The following ACYP1 variants were observed in gnomAD, a reference collection of about 807,000 sequenced individuals.
ACYP1 encodes acylphosphatase 1, also known as acylphosphatase-1.
In ACYP1, 8 loss-of-function variants were observed where a neutral mutation model predicts 10.4. The ratio of observed to expected loss-of-function variants is 0.77; its 90% CI spans 0.45 to 1.38. The LOEUF (loss-of-function observed/expected upper bound fraction) is 1.38, where lower values mean the gene tolerates loss of function less well. ACYP1 is among the 40% of genes most tolerant of loss of function. ACYP1 has a pLI of 0.00. For missense variants in ACYP1, 93 were observed against 117.3 expected (o/e 0.79, Z 0.96); for synonymous variants, 38 against 40.8 (o/e 0.93, Z 0.26).
upstream of ACYP1, among the ~76,000 whole-genome samples, chr14:75,067,458 T>C (rs1383973833): frequency 6.6e-6 from 1 of 152,154 alleles, no homozygotes; most frequent in East Asian, 1.9e-4. Context: ...GCTTTGTAGT[T>C]AAATAAAGTG....
At chr14:75,054,252 AT>A (rs1892821656) in intron 2 of ACYP1, among the ~76,000 whole-genome samples, 3 of 146,040 alleles carry the variant, frequency 2.1e-5, no homozygotes, top group Admixed American at 2.0e-4. Context: ...AGCCCACTTT[AT>A]TATCTTCCTA....
At chr14:75,065,975 G>C (rs910260391), upstream of ACYP1, among the ~76,000 whole-genome samples, 2 of 152,224 alleles carry the variant, frequency 1.3e-5, no homozygotes, top group African/African-American at 2.4e-5. Flanking sequence ...GTAGCCAGTT[G>C]TGGCTAGACC....
Position 75,063,532 on chromosome 14 carries a change from T to C in ACYP1, c.22A>G (p.Ile8Val). Residue 8 changes from isoleucine (I) to valine (V), a missense_variant, in exon 2 of 3, where the codon ATA becomes GTA. Ile to Val is a conservative substitution (Grantham distance 29, BLOSUM62 3). Transcript: ENST00000238618. Reference protein sequence around the residue: MAEGNTLISVDYEIFGKV... With the variant: MAEGNTLVSVDYEIFGKV... ...CCAAAAATTTCATAATCCACTGATATCAGGGTGTTTCCTTCTGCCATGCTC... is the reference window on the plus strand; with the variant it reads ...CCAAAAATTTCATAATCCACTGATACCAGGGTGTTTCCTTCTGCCATGCTC... 1 of 1,613,738 alleles carries C rather than the reference T, an allele frequency of 6.2e-7. No homozygotes were observed. Among genetic ancestry groups the C allele is most frequent in the Non-Finnish European group, 8.5e-7 (1 of 1,179,840 alleles).
intron 2 of ACYP1, among the ~76,000 whole-genome samples, chr14:75,060,812 T>C (rs193038610): frequency 1.8e-3 from 276 of 152,280 alleles, no homozygotes; most frequent in African/African-American, 6.5e-3. Flanking sequence ...ATGCGTGTAA[T>C]CCCAGCACTT....
intron 2 of ACYP1, among the ~76,000 whole-genome samples, chr14:75,054,976 G>T (rs1892838580): frequency 6.6e-6 from 1 of 150,606 alleles, no homozygotes; most frequent in Non-Finnish European, 1.5e-5. Context: ...GTTCTTAAGA[G>T]TTATCTTATA....
upstream of ACYP1, among the ~76,000 whole-genome samples, chr14:75,068,835 T>C (rs919612507): frequency 6.6e-6 from 1 of 152,160 alleles, no homozygotes; most frequent in Non-Finnish European, 1.5e-5. Context: ...ATTTTCCATG[T>C]GCATGAATTG....
Position 75,069,267 on chromosome 14 carries a change from C to T in ACYP1, c.25G>A (p.Gly9Arg), listed in dbSNP as rs542959783. The T allele has an allele frequency of 4.8e-6, 7 of 1,464,340 alleles. No homozygotes were observed. In the South Asian group the frequency reaches 9.3e-5, roughly 19 times the overall value. The allele number at this position is 1,464,340 out of a possible 1,614,324, so 90.7% of individuals were successfully genotyped here. ...AGAAAGGCCAGCAGCAGCCCCGCTC[C>T]CGCCAGGCGGGCGGACGCCGGCATC... Residue 9 changes from glycine (G) to arginine (R), a missense_variant, in exon 1 of 3, where the codon GGA (glycine) becomes AGA (arginine). Gly to Arg is a moderately radical substitution (Grantham distance 125, BLOSUM62 -2). Coordinates refer to the ACYP1 transcript ENST00000555463.
chr14:75,065,439 G>C (rs1180380485), upstream of ACYP1, among the ~76,000 whole-genome samples: 2 of 152,312 alleles, frequency 1.3e-5, no homozygotes, highest in African/African-American at 2.4e-5. Context: ...AAGCTGGATT[G>C]AATGTTGTAC....
upstream of ACYP1, among the ~76,000 whole-genome samples, chr14:75,064,820 T>A (rs969233342): frequency 6.6e-6 from 1 of 152,192 alleles, no homozygotes; most frequent in Non-Finnish European, 1.5e-5. Context: ...TTTCATTCAG[T>A]TCTCCTTAAA....
At position 75,058,925 on chromosome 14, in the gene ACYP1, C is replaced by A. The variant is rs142236731; in HGVS notation, c.84+4545G>T. Among the ~76,000 whole-genome samples, 938 of 152,184 alleles carry A rather than the reference C, an allele frequency of 6.2e-3. 5 individuals carry two copies. Among genetic ancestry groups the A allele is most frequent in the African/African-American group, 0.022 (905 of 41,536 alleles). ...TTTGAAGAAAACATAGGCGGCTGGG[C>A]GCGGTGGCTCACGCCTGTAATCCCA... On this transcript the variant is annotated intron_variant, in intron 2 of 2. Coordinates refer to ENST00000238618, the MANE Select transcript of ACYP1 (RefSeq NM_001107.5).
intron 2 of ACYP1, among the ~76,000 whole-genome samples, chr14:75,062,659 C>CAAAAAAAAAAAA (rs534860020): frequency 1.3e-4 from 13 of 103,300 alleles, no homozygotes; most frequent in South Asian, 3.2e-4. Context: ...ACTAAAAATA[C>CAAAAAAAAAAAA]AAAAAAAAAA....
chr14:75,062,368 C>T (rs931244536), intron 2 of ACYP1, among the ~76,000 whole-genome samples: 2 of 150,370 alleles, frequency 1.3e-5, no homozygotes, highest in African/African-American at 4.9e-5. Context: ...GAGGTTAAGG[C>T]TGCAATAAGC....
At chr14:75,068,373 G>A (rs1376607773), upstream of ACYP1, among the ~76,000 whole-genome samples, 1 of 151,994 alleles carries the variant, frequency 6.6e-6, no homozygotes, top group Non-Finnish European at 1.5e-5. Flanking sequence ...AAAATGCAGG[G>A]GTAAAGTGAT....
chr14:75,067,533 C>T (rs1385625766), upstream of ACYP1, among the ~76,000 whole-genome samples: 1 of 152,004 alleles, frequency 6.6e-6, no homozygotes, highest in Non-Finnish European at 1.5e-5. Context: ...ATGTGGGCAG[C>T]AAATGTGGAG....
intron 2 of ACYP1, among the ~76,000 whole-genome samples, chr14:75,054,537 TGTTA>T (rs1307319892): frequency 6.6e-6 from 1 of 151,648 alleles, no homozygotes; most frequent in Non-Finnish European, 1.5e-5. Flanking sequence ...AGTCATTGAT[TGTTA>T]AAGTAATTAT....
Position 75,053,593 on chromosome 14 carries a change from G to T in ACYP1, c.151C>A (p.Gln51Lys). The T allele has an allele frequency of 6.2e-7, 1 of 1,614,096 alleles. No homozygotes were observed. The highest frequency in any genetic ancestry group is 1.1e-5 in the South Asian group (1 of 91,076). The change falls in exon 3 of 3, where the codon CAA becomes AAA. Residue 51 changes from glutamine (Q) to lysine (K), a missense_variant. By Grantham distance (53) the Gln-to-Lys change is moderately conservative. Transcript: ENST00000238618. ...QNTDRGTVQG[Q>K]LQGPISKVRH... ...ACCTTGGAGATGGGACCTTGCAATT[G>T]TCCTTGCACTGTGCCCCGGTCAGTG...
chr14:75,064,750 A>T (rs1473742160), upstream of ACYP1, among the ~76,000 whole-genome samples: 7 of 152,136 alleles, frequency 4.6e-5, no homozygotes, highest in Admixed American at 3.3e-4. Flanking sequence ...ATAAATTAAT[A>T]AATAAAAAAA....
Position 75,053,605 on chromosome 14 carries a change from T to C in ACYP1, c.139A>G (p.Thr47Ala). ...GGACCTTGCAATTGTCCTTGCACTG[T>C]GCCCCGGTCAGTGTTCTGGACCCAG... is the stretch of plus-strand genomic sequence containing the variant. ...VGWVQNTDRG[T>A]VQGQLQGPIS... Residue 47 changes from threonine to alanine, a missense_variant, in exon 3 of 3, where the codon ACA (threonine) becomes GCA (alanine). Physicochemically the swap from Thr to Ala is moderately conservative, Grantham distance 58. Coordinates refer to ENST00000238618, the MANE Select transcript of ACYP1 (RefSeq NM_001107.5). 3 of 1,614,180 alleles carry C rather than the reference T, an allele frequency of 1.9e-6. No individual in the cohort carries two copies. Among genetic ancestry groups the C allele is most frequent in the Non-Finnish European group, 2.5e-6 (3 of 1,180,030 alleles).
chr14:75,060,621 G>A (rs1024166651), intron 2 of ACYP1, among the ~76,000 whole-genome samples: 4 of 152,040 alleles, frequency 2.6e-5, no homozygotes, highest in African/African-American at 9.7e-5. Context: ...ATGAAATGTG[G>A]TATATCCATA....
Sources: gnomAD v4.1 joint callset for allele counts (sites outside exome capture counted in the v4.1 genomes callset) on GRCh38, gnomAD v4.1.1 for gene constraint, MANE v1.5 for transcripts, NCBI Gene and HGNC (gene_info 2026-07-23, HGNC 2026-07-21) for gene names.